FRMD4B: variants seen among roughly 807,000 people sequenced by gnomAD.
The protein encoded by FRMD4B is FERM domain-containing protein 4B.
In FRMD4B, 74 loss-of-function variants were observed where a neutral mutation model predicts 141.5. The ratio of observed to expected loss-of-function variants is 0.52; its 90% CI spans 0.43 to 0.63. The LOEUF (loss-of-function observed/expected upper bound fraction) is 0.63. Ranked by LOEUF, FRMD4B falls within the 30% of genes least tolerant of loss-of-function variation. The pLI, the probability that FRMD4B is intolerant of heterozygous loss-of-function variation, is 0.00. For missense variants in FRMD4B, 1,366 were observed against 1,253.4 expected, an observed-to-expected ratio of 1.09 and a Z score of -1.36; for synonymous variants, 506 against 467.9, an observed-to-expected ratio of 1.08 and a Z score of -1.05.
At chr3:69,511,479 T>C (rs1048748398) in intron 1 of FRMD4B, among the ~76,000 whole-genome samples, 1 of 151,992 alleles carries the variant, frequency 6.6e-6, no homozygotes, top group South Asian at 2.1e-4. Context: ...CATGCATGTA[T>C]AATTAAAAAC....
At chr3:69,388,185 C>T (rs919084541), upstream of FRMD4B, among the ~76,000 whole-genome samples, 1 of 152,064 alleles carries the variant, frequency 6.6e-6, no homozygotes, top group African/African-American at 2.4e-5. Flanking sequence ...TTACCTCTGT[C>T]TCATGACACC....
intron 7 of FRMD4B, among the ~76,000 whole-genome samples, chr3:69,233,693 T>C (rs2093326737): frequency 6.6e-6 from 1 of 152,284 alleles, no homozygotes; most frequent in Non-Finnish European, 1.5e-5. Flanking sequence ...TAAAAGATCA[T>C]GACAGGGGCC....
intron 1 of FRMD4B, among the ~76,000 whole-genome samples, chr3:69,481,854 C>G (rs1005009109): frequency 1.3e-5 from 2 of 152,116 alleles, no homozygotes; most frequent in African/African-American, 4.8e-5. Context: ...AAAGAGGGTA[C>G]TAGAGTATAA....
In FRMD4B at chr3:69,419,283, A is replaced by G. The variant is rs181356476; in HGVS notation, c.-1+13351T>C. On this transcript the variant is annotated intron_variant, in intron 2 of 5. Transcript: ENST00000459638. ...ATATGGAGAGTTTATTGGCTCACAT[A>G]CCTGATCAGCCCAGACGTATCTGGC... 1.6e-4 allele frequency among the ~76,000 whole-genome samples: 25 copies of G among 152,298 alleles called. 1 individual carries two copies. The highest frequency in any genetic ancestry group is 5.5e-4 in the African/African-American group (23 of 41,562).
intron 1 of FRMD4B, among the ~76,000 whole-genome samples, chr3:69,522,336 T>C (rs528709454): frequency 6.5e-4 from 98 of 151,936 alleles, no homozygotes; most frequent in Non-Finnish European, 1.1e-3. Flanking sequence ...AGGCCCTAGA[T>C]CTTCTCTATC....
At chr3:69,433,456 G>T (rs1299939656) in intron 1 of FRMD4B, among the ~76,000 whole-genome samples, 1 of 152,134 alleles carries the variant, frequency 6.6e-6, no homozygotes, top group Non-Finnish European at 1.5e-5. Flanking sequence ...GGCAGATGTG[G>T]TATCCCTTGT....
chr3:69,196,248 A>G lies in FRMD4B; in HGVS notation c.1234+7T>C. The G allele has an allele frequency of 5.7e-6, 9 of 1,576,292 alleles. No homozygotes were observed. The highest frequency in any genetic ancestry group is 7.7e-6 in the Non-Finnish European group (9 of 1,167,172). On this transcript the variant is annotated splice_region_variant and intron_variant, in intron 14 of 22. Transcript: ENST00000398540. ...GGCTTGCACGTTCTCTAATCCCAAG[A>G]TGTTACCTGAGGAGATTAAACTGCC...
chr3:69,498,685 A>C (rs1192688041), intron 1 of FRMD4B, among the ~76,000 whole-genome samples: 1 of 152,216 alleles, frequency 6.6e-6, no homozygotes, highest in African/African-American at 2.4e-5. Flanking sequence ...GAGTTATAAG[A>C]GTAAATAAAC....
In FRMD4B at chr3:69,381,788, C is replaced by A. The variant is rs536837595; in HGVS notation, c.162+4040G>T. Among the ~76,000 whole-genome samples the A allele has an allele frequency of 2.6e-5, 4 of 152,262 alleles. No individual in the cohort carries two copies. The South Asian group carries it at 8.3e-4, about 32-fold the overall frequency. On this transcript the variant is annotated intron_variant, in intron 1 of 22. Coordinates refer to ENST00000398540, the MANE Select transcript of FRMD4B (RefSeq NM_015123.3). Reference sequence around the variant, plus strand: ...AGCTAATATTTTTATGTAAAGAGCACTAGATTTGATATTCTAATGATGCAG... The same window carrying A: ...AGCTAATATTTTTATGTAAAGAGCAATAGATTTGATATTCTAATGATGCAG...
chr3:69,277,017 G>A (rs773986901), intron 5 of FRMD4B, among the ~76,000 whole-genome samples: 5 of 152,312 alleles, frequency 3.3e-5, no homozygotes, highest in Non-Finnish European at 4.4e-5. Context: ...AGACTGTCAC[G>A]AAGTTGGCTA....
chr3:69,277,492 C>T (rs1042809431), intron 5 of FRMD4B, among the ~76,000 whole-genome samples: 3 of 143,194 alleles, frequency 2.1e-5, no homozygotes, highest in Non-Finnish European at 4.6e-5. Context: ...ATGTCTTGAA[C>T]AGCATTTTCT....
At chr3:69,422,382 G>GAAAAAAA (rs374932228) in intron 2 of FRMD4B, among the ~76,000 whole-genome samples, 1 of 122,834 alleles carries the variant, frequency 8.1e-6, no homozygotes. Flanking sequence ...GCGAGACTCT[G>GAAAAAAA]AAAAAAAAAA....
intron 1 of FRMD4B, among the ~76,000 whole-genome samples, chr3:69,444,955 C>G (rs780057062): frequency 2.6e-5 from 4 of 152,102 alleles, no homozygotes; most frequent in Admixed American, 2.6e-4. Flanking sequence ...TTTAATAATA[C>G]CCTGTAATTT....
chr3:69,401,877 G>C (rs577527245), intron 2 of FRMD4B, among the ~76,000 whole-genome samples: 1 of 152,234 alleles, frequency 6.6e-6, no homozygotes, highest in African/African-American at 2.4e-5. Flanking sequence ...AGTGTAAGAA[G>C]CACAGGGGTC....
At chr3:69,365,514 C>T (rs201564898) in intron 1 of FRMD4B, among the ~76,000 whole-genome samples, 33,877 of 150,308 alleles carry the variant, frequency 0.23, 4,962 homozygotes, top group African/African-American at 0.42. Flanking sequence ...TGTTTTTTTT[C>T]TTTTTTTTGA....
rs1324732322 is a variant in FRMD4B, at chr3:69,169,633, A to G, written c.*2228T>C. Reference sequence around the variant, plus strand: ...CGGCCTCCCAAAGTGCTGGGATTACAGGTGTGAGCCGCTATGCCTGGCCCT... The same window carrying G: ...CGGCCTCCCAAAGTGCTGGGATTACGGGTGTGAGCCGCTATGCCTGGCCCT... On this transcript the variant is annotated 3_prime_UTR_variant, in exon 23 of 23. Coordinates refer to ENST00000398540, the MANE Select transcript of FRMD4B (RefSeq NM_015123.3). Among the ~76,000 whole-genome samples the G allele has an allele frequency of 7.2e-5, 11 of 152,158 alleles. No individual in the cohort carries two copies. The highest frequency in any genetic ancestry group is 7.2e-4 in the Admixed American group (11 of 15,284).
chr3:69,393,719 C>CA (rs1175141132), intron 2 of FRMD4B, among the ~76,000 whole-genome samples: 3 of 151,852 alleles, frequency 2.0e-5, no homozygotes, highest in African/African-American at 4.8e-5. Flanking sequence ...ACAATGACAA[C>CA]AAAAAAAGTC....
At chr3:69,483,067 G>A (rs141316524) in intron 1 of FRMD4B, among the ~76,000 whole-genome samples, 119 of 152,292 alleles carry the variant, frequency 7.8e-4, no homozygotes, top group Non-Finnish European at 1.4e-3. Context: ...GAGTAGGCAT[G>A]TAAAGCTGCT....
chr3:69,292,812 A>AG (rs1414281305), intron 4 of FRMD4B, among the ~76,000 whole-genome samples: 100 of 105,038 alleles, frequency 9.5e-4, no homozygotes, highest in Non-Finnish European at 1.5e-3. Flanking sequence ...CCTTTTTTTC[A>AG]GCCTTTTTTT....
Sources: allele counts gnomAD v4.1 joint callset (sites outside exome capture counted in the v4.1 genomes callset), GRCh38; gene constraint gnomAD v4.1.1; transcripts MANE v1.5; gene names NCBI Gene and HGNC (gene_info 2026-07-23, HGNC 2026-07-21).